Variants in IGDCC4 observed in about 807,000 individuals in gnomAD.
IGDCC4 encodes likely ortholog of mouse neighbor of Punc E11.
In IGDCC4, 72 loss-of-function variants were observed where a neutral mutation model predicts 116.6. The observed-to-expected ratio is 0.62, with a 90% confidence interval of 0.51 to 0.75. IGDCC4 has a LOEUF of 0.75. Among genes scored for constraint, IGDCC4 ranks in the 30% least tolerant of loss-of-function variants. The pLI, the probability that IGDCC4 is intolerant of heterozygous loss-of-function variation, is 0.00. For synonymous variants in IGDCC4, 709 were observed against 719.9 expected (o/e 0.98, Z 0.24); for missense variants, 1,501 against 1,662.4 (o/e 0.90, Z 1.69).
At chr15:65,391,819 G>A in intron 12 of IGDCC4, 61 bp downstream of exon 12, 1 of 1,466,010 alleles carries the variant, frequency 6.8e-7, no homozygotes, top group Admixed American at 1.7e-5. Context: ...GAAAAGAAGA[G>A]GAAGCGGCTA....
chr15:65,402,296 T>C, intron 4 of IGDCC4, 55 bp downstream of exon 4: 1 of 1,543,040 alleles, frequency 6.5e-7, no homozygotes, highest in Non-Finnish European at 8.8e-7. Context: ...CTCCCAGCTC[T>C]GAGGTGGCTG....
At chr15:65,406,847 C>A (rs147554911) in intron 3 of IGDCC4, among the ~76,000 whole-genome samples, 1 of 152,058 alleles carries the variant, frequency 6.6e-6, no homozygotes, top group Non-Finnish European at 1.5e-5. Context: ...TGTGGCTTCA[C>A]GGGATGACGC....
At chr15:65,388,396 G>A in intron 16 of IGDCC4, 53 bp downstream of exon 16, 1 of 1,610,786 alleles carries the variant, frequency 6.2e-7, no homozygotes, top group Non-Finnish European at 8.5e-7. Flanking sequence ...TGTGTCCACA[G>A]GCAGGGGCTT....
At chr15:65,399,768 A>G (rs966673450) in intron 5 of IGDCC4, among the ~76,000 whole-genome samples, 5 of 152,158 alleles carry the variant, frequency 3.3e-5, no homozygotes, top group Non-Finnish European at 2.9e-5. Context: ...TCTTTAAACT[A>G]TATATATTCG....
chr15:65,384,115 C>T lies in IGDCC4; in HGVS notation c.3647G>A (p.Gly1216Asp), dbSNP rs770371891. Residue 1216 changes from glycine (G) to aspartate (D), a missense_variant, in exon 20 of 20, where the codon GGC (glycine) becomes GAC (aspartate). This residue lies in a region of IGDCC4 where 368 missense variants were observed against 355.6 expected (regional missense o/e 1.03). Coordinates refer to ENST00000352385, the MANE Select transcript of IGDCC4 (RefSeq NM_020962.3). The surrounding 1 kb of genome is among the most constrained non-coding windows in gnomAD (Gnocchi z 4.9). ...ASCSYPDLQP[G>D]EVLEETPGDS... ...TCCAGGGGTCTCCTCTAGCACCTCG[C>T]CTGGCTGGAGGTCCGGGTAGGAGCA... 3 of 1,613,038 alleles carry T rather than the reference C, an allele frequency of 1.9e-6. No homozygotes were observed. The African/African-American group carries it at 4.0e-5, about 22-fold the overall frequency.
intron 2 of IGDCC4, chr15:65,410,747 C>T: frequency 2.0e-6 from 1 of 505,038 alleles, no homozygotes. Flanking sequence ...TGGCAGGCTC[C>T]CTGGAGGACA....
chr15:65,400,543 G>A (rs191591764), intron 5 of IGDCC4, among the ~76,000 whole-genome samples: 2 of 152,296 alleles, frequency 1.3e-5, no homozygotes, highest in East Asian at 3.9e-4. Context: ...GGCCTCAGGA[G>A]GGCTGCAATA....
intron 1 of IGDCC4, among the ~76,000 whole-genome samples, chr15:65,422,282 A>C (rs1371874126): frequency 5.9e-5 from 9 of 152,224 alleles, no homozygotes; most frequent in Admixed American, 5.9e-4. Context: ...GACACTTCCC[A>C]AATGCCAAGG....
intron 12 of IGDCC4, 102 bp from the exon 13 acceptor site, chr15:65,390,440 C>T (rs138635740): frequency 4.3e-6 from 4 of 940,054 alleles, no homozygotes; most frequent in Non-Finnish European, 5.9e-6. Flanking sequence ...TGACCCACTC[C>T]TTTGATCCTG....
At position 65,382,996 on chromosome 15, in the gene IGDCC4, T is replaced by C. The variant is rs1352249031; in HGVS notation, c.*1013A>G. 6.6e-6 allele frequency: 1 copy of C among 152,516 alleles called. No homozygotes were observed. Among genetic ancestry groups the C allele is most frequent in the African/African-American group, 2.4e-5 (1 of 41,428 alleles). 9.4% of individuals were successfully genotyped at this position (152,516 alleles called of 1,614,324 possible). On this transcript the variant is annotated 3_prime_UTR_variant, in exon 20 of 20. Coordinates refer to ENST00000352385, the MANE Select transcript of IGDCC4 (RefSeq NM_020962.3). ...TTGGATCCCAATCCCAAAGGCAAGA[T>C]GCAGGGAAGCCAGAAGATCTTCTCC...
chr15:65,396,348 A>C, intron 6 of IGDCC4, 185 bp from the exon 7 acceptor site: 5 of 686,798 alleles, frequency 7.3e-6, no homozygotes, highest in Non-Finnish European at 1.3e-5. Flanking sequence ...TCTTCTCCCC[A>C]TTTACCCCAG....
At position 65,422,774 on chromosome 15, in the gene IGDCC4, T is replaced by A; in HGVS notation, c.70+19A>T. On this transcript the variant is annotated intron_variant, in intron 1 of 19. Transcript: ENST00000352385. ...AGCACTCCGCAGTCGCTCCTGCCTC[T>A]CCGGGCGCCCGCCCTTACCGCGCGC... is the stretch of plus-strand genomic sequence containing the variant. 7.5e-7 allele frequency: 1 copy of A among 1,326,444 alleles called. No individual in the cohort carries two copies. The highest frequency in any genetic ancestry group is 9.6e-7 in the Non-Finnish European group (1 of 1,038,266). The allele number at this position is 1,326,444 out of a possible 1,614,324, so 82.2% of individuals were successfully genotyped here.
Position 65,393,665 on chromosome 15 carries a change from C to G in IGDCC4, c.1715-134G>C. ...GAGCCTGAGGCGTTCTCAGCACTGA[C>G]CCCTCAGTGCCTGGGCAGATTCTAT... On this transcript the variant is annotated intron_variant, in intron 9 of 19. Transcript: ENST00000352385. This position sits in a 1 kb window ranked among gnomAD's most constrained non-coding sequence, Gnocchi z 4.6. 1 of 830,128 alleles carries G rather than the reference C, an allele frequency of 1.2e-6. No homozygotes were observed. Among genetic ancestry groups the G allele is most frequent in the Non-Finnish European group, 1.8e-6 (1 of 551,102 alleles). The allele number at this position is 830,128 out of a possible 1,614,324, so 51.4% of individuals were successfully genotyped here.
intron 3 of IGDCC4, among the ~76,000 whole-genome samples, chr15:65,403,559 C>A (rs1241983177): frequency 1.3e-5 from 2 of 152,172 alleles, no homozygotes; most frequent in Non-Finnish European, 2.9e-5. Flanking sequence ...GTCACAACCT[C>A]CATTTTACTG....
At chr15:65,395,451 G>A (rs767372254) in intron 7 of IGDCC4, among the ~76,000 whole-genome samples, 193 bp from the exon 8 acceptor site, 4 of 152,150 alleles carry the variant, frequency 2.6e-5, no homozygotes, top group Non-Finnish European at 4.4e-5. Context: ...TGGTTAGGGA[G>A]TGCTTTCTGG....
rs774936674 is a variant in IGDCC4, at chr15:65,390,147, G to A, written c.2408+8C>T. 1.3e-6 allele frequency: 2 copies of A among 1,566,458 alleles called. No individual in the cohort carries two copies. Among genetic ancestry groups the A allele is most frequent in the African/African-American group, 2.7e-5 (2 of 74,110 alleles). On this transcript the variant is annotated splice_region_variant and intron_variant, in intron 13 of 19. Transcript: ENST00000352385. ...CTTCTTTACATTAGTAAAGGCATTA[G>A]TCCCCACCTGGTGTAATAGGTGACC...
chr15:65,402,183 T>C (rs1262152272), intron 4 of IGDCC4, among the ~76,000 whole-genome samples, 168 bp downstream of exon 4: 1 of 152,220 alleles, frequency 6.6e-6, no homozygotes, highest in African/African-American at 2.4e-5. Flanking sequence ...TCTTCTCTGG[T>C]TTGCTGGGTG....
Position 65,391,970 on chromosome 15 carries a change from G to T in IGDCC4, c.2134C>A (p.Leu712Met). The T allele has an allele frequency of 6.2e-7, 1 of 1,610,822 alleles. No homozygotes were observed. ...YELTQLVPGR[L>M]YEVKLVAFNK... ...AAAGCCACGAGCTTCACCTCGTACA[G>T]CCGGCCAGGGACTGGGGAAGGTTAC... is the stretch of plus-strand genomic sequence containing the variant. Residue 712 changes from leucine to methionine, a missense_variant, in exon 12 of 20, where the codon CTG becomes ATG. Leu to Met is a conservative substitution (Grantham distance 15, BLOSUM62 2). Transcript: ENST00000352385.
intron 3 of IGDCC4, among the ~76,000 whole-genome samples, chr15:65,406,640 A>G (rs2063043590): frequency 6.6e-6 from 1 of 152,202 alleles, no homozygotes; most frequent in Non-Finnish European, 1.5e-5. Context: ...TGCATGCACT[A>G]TATCTGGGCA....
Sources: allele counts gnomAD v4.1 joint callset (sites outside exome capture counted in the v4.1 genomes callset), GRCh38; gene constraint gnomAD v4.1.1; regional missense constraint gnomAD v4.1.1; non-coding constraint Gnocchi (gnomAD v3.1); transcripts MANE v1.5; gene names NCBI Gene and HGNC (gene_info 2026-07-23, HGNC 2026-07-21).